Variants in HMCN1 observed in about 807,000 individuals in gnomAD.
HMCN1 encodes hemicentin-1.
A neutral mutation model predicts 625.9 loss-of-function variants in HMCN1; 321 were observed. That is an observed-to-expected ratio of 0.51 (90% CI 0.47 to 0.56). The LOEUF (loss-of-function observed/expected upper bound fraction) is 0.56, where lower values mean the gene tolerates loss of function less well. Among genes scored for constraint, HMCN1 ranks in the 20% least tolerant of loss-of-function variants. The pLI is 0.00. For missense variants in HMCN1, 6,588 were observed against 6,887.3 expected (o/e 0.96, Z 1.54); for synonymous variants, 2,425 against 2,417.6 (o/e 1.00, Z -0.09).
intron 24 of HMCN1, among the ~76,000 whole-genome samples, chr1:185,995,519 C>A (rs1281439812): frequency 6.6e-6 from 1 of 152,106 alleles, no homozygotes; most frequent in African/African-American, 2.4e-5. Context: ...ATGTTTATTT[C>A]TTCAAGCAAC....
At chr1:185,943,862 AT>A (rs1357818294) in intron 11 of HMCN1, among the ~76,000 whole-genome samples, 1 of 152,272 alleles carries the variant, frequency 6.6e-6, no homozygotes. Flanking sequence ...AGAACCCGCC[AT>A]CCCCCAGTCA....
chr1:185,736,820 C>A (rs529389178), intron 1 of HMCN1, among the ~76,000 whole-genome samples: 1 of 152,200 alleles, frequency 6.6e-6, no homozygotes, highest in East Asian at 1.9e-4. Flanking sequence ...TAACAGATGA[C>A]TGAATAAGTT....
chr1:185,902,409 A>ATC (rs1487547008), intron 4 of HMCN1, among the ~76,000 whole-genome samples: 48 of 76,060 alleles, frequency 6.3e-4, no homozygotes, highest in African/African-American at 4.2e-3. Context: ...ATCTATCTCT[A>ATC]TCTATCTATC....
In HMCN1 at chr1:186,045,692, G is replaced by C. The variant is rs367790421; in HGVS notation, c.6309G>C (p.Pro2103=). 26 of 1,612,614 alleles carry C rather than the reference G, an allele frequency of 1.6e-5. No homozygotes were observed. Among genetic ancestry groups the C allele is most frequent in the Non-Finnish European group, 2.0e-5 (24 of 1,179,014 alleles). The change falls in exon 41 of 107, where the codon CCG becomes CCC. Residue 2103 remains proline, a synonymous_variant. Transcript: ENST00000271588. ...QRDIDLRVYV[P]PNIMGEEQNV... ...GAAAACCCATCTTTCATGTAGTTCC[G>C]CCAAATATTATGGGAGAAGAACAGA...
chr1:185,889,094 G>T (rs969961856), intron 4 of HMCN1, among the ~76,000 whole-genome samples: 19 of 141,658 alleles, frequency 1.3e-4, no homozygotes, highest in Non-Finnish European at 2.5e-4. Context: ...GTTCACTCAT[G>T]ATTTGGCTCT....
intron 22 of HMCN1, among the ~76,000 whole-genome samples, chr1:185,991,472 C>A (rs1652419992): frequency 6.6e-6 from 1 of 152,080 alleles, no homozygotes; most frequent in Non-Finnish European, 1.5e-5. Context: ...ACACATACAT[C>A]CTTAAACAAT....
chr1:186,032,746 GA>G (rs74542819), intron 36 of HMCN1, among the ~76,000 whole-genome samples: 23 of 25,406 alleles, frequency 9.1e-4, no homozygotes, highest in Admixed American at 1.1e-3. Context: ...TAAGTAAAAA[GA>G]AAAAAAAAAA....
chr1:185,791,638 C>T (rs1286301036), intron 1 of HMCN1, among the ~76,000 whole-genome samples: 5 of 152,100 alleles, frequency 3.3e-5, no homozygotes, highest in African/African-American at 1.2e-4. Flanking sequence ...AGGAGAATCA[C>T]TTGAACCCAG....
intron 69 of HMCN1, among the ~76,000 whole-genome samples, chr1:186,104,224 A>C (rs1660510109): frequency 6.6e-6 from 1 of 152,206 alleles, no homozygotes; most frequent in Non-Finnish European, 1.5e-5. Context: ...GGCAAACCTT[A>C]TGTTACAATT....
intron 89 of HMCN1, among the ~76,000 whole-genome samples, chr1:186,142,922 A>G (rs1650061753): frequency 1.3e-5 from 2 of 152,202 alleles, no homozygotes; most frequent in Admixed American, 1.3e-4. Context: ...AAATGTATTA[A>G]AATAATTGGA....
At chr1:185,905,278 T>C (rs2102442285) in intron 4 of HMCN1, among the ~76,000 whole-genome samples, 1 of 151,732 alleles carries the variant, frequency 6.6e-6, no homozygotes, top group Non-Finnish European at 1.5e-5. Flanking sequence ...TATCTCTCCC[T>C]CCCACACATA....
chr1:186,129,750 TC>T (rs889557629), intron 83 of HMCN1, among the ~76,000 whole-genome samples: 3 of 152,190 alleles, frequency 2.0e-5, no homozygotes, highest in Non-Finnish European at 4.4e-5. Context: ...CATCCTCTTT[TC>T]CTGTTCCTTC....
intron 30 of HMCN1, among the ~76,000 whole-genome samples, chr1:186,012,511 G>A (rs1654068775): frequency 6.6e-6 from 1 of 151,456 alleles, no homozygotes; most frequent in African/African-American, 2.4e-5. Context: ...GGAAAAAGTT[G>A]TCTTAAAAAA....
intron 1 of HMCN1, among the ~76,000 whole-genome samples, chr1:185,809,810 G>A (rs548182418): frequency 6.6e-6 from 1 of 152,144 alleles, no homozygotes; most frequent in South Asian, 2.1e-4. Flanking sequence ...CTGTCACTCT[G>A]AAAGGCTTAA....
chr1:185,930,594 AAAG>A (rs1667492728), intron 10 of HMCN1, among the ~76,000 whole-genome samples: 1 of 152,200 alleles, frequency 6.6e-6, no homozygotes. Context: ...AGAGCAGTTT[AAAG>A]AAAAGCCCAA....
At chr1:186,025,574 T>C (rs2102175470) in intron 36 of HMCN1, among the ~76,000 whole-genome samples, 1 of 152,024 alleles carries the variant, frequency 6.6e-6, no homozygotes, top group Non-Finnish European at 1.5e-5. Flanking sequence ...AAAACCAGAG[T>C]CTGTGAGAGA....
At chr1:186,057,425 A>G (rs1178016347) in intron 46 of HMCN1, 24 bp downstream of exon 46, 1 of 1,523,364 alleles carries the variant, frequency 6.6e-7, no homozygotes, top group Non-Finnish European at 9.1e-7. Flanking sequence ...TGGTAGCCTT[A>G]TAATCTTGTT....
At chr1:185,756,453 A>G (rs1471607132) in intron 1 of HMCN1, among the ~76,000 whole-genome samples, 7 of 150,942 alleles carry the variant, frequency 4.6e-5, no homozygotes, top group Non-Finnish European at 1.0e-4. Context: ...AACTTGATAC[A>G]TTTTCTCCTA....
At chr1:186,058,384 A>C (rs1421094120) in intron 46 of HMCN1, among the ~76,000 whole-genome samples, 4 of 152,020 alleles carry the variant, frequency 2.6e-5, no homozygotes, top group Non-Finnish European at 5.9e-5. Flanking sequence ...GAAAAGCAAG[A>C]GATCGTGTGC....
Sources: gnomAD v4.1 joint callset for allele counts (sites outside exome capture counted in the v4.1 genomes callset) on GRCh38, gnomAD v4.1.1 for gene constraint, MANE v1.5 for transcripts, NCBI Gene and HGNC (gene_info 2026-07-23, HGNC 2026-07-21) for gene names.